The following IQCM variants were observed in gnomAD, a reference collection of about 807,000 sequenced individuals.
IQCM encodes IQ motif containing M, also known as IQ domain-containing protein M.
Under a neutral mutation model 57.6 loss-of-function variants are expected in IQCM, and 45 were observed. The observed-to-expected ratio is 0.78, with a 90% CI of 0.62 to 1.00. The LOEUF (loss-of-function observed/expected upper bound fraction) is 1.00, where lower values mean the gene tolerates loss of function less well. Among genes scored for constraint, IQCM ranks in the 50% least tolerant of loss-of-function variants. The pLI, the probability that IQCM is intolerant of heterozygous loss-of-function variation, is 0.00. For missense variants in IQCM, 468 were observed against 511.6 expected (o/e 0.91, Z 0.82); for synonymous variants, 148 against 158.9 (o/e 0.93, Z 0.51).
chr4:149,730,837 T>A (rs1333588882), intron 5 of IQCM, among the ~76,000 whole-genome samples: 1 of 152,194 alleles, frequency 6.6e-6, no homozygotes, highest in East Asian at 1.9e-4. Flanking sequence ...ACATCAAATT[T>A]GAATTTCTTG....
intron 2 of IQCM, among the ~76,000 whole-genome samples, chr4:149,750,365 G>A (rs1768316463): frequency 2.6e-5 from 4 of 152,186 alleles, no homozygotes; most frequent in Admixed American, 2.0e-4. Context: ...GGGGGTAATA[G>A]AGTGACGCTT....
chr4:149,650,957 T>C (rs1443761776), intron 7 of IQCM, among the ~76,000 whole-genome samples: 3 of 152,152 alleles, frequency 2.0e-5, no homozygotes, highest in Non-Finnish European at 1.5e-5. Flanking sequence ...AAAAATACAG[T>C]CTTTGCCCCT....
chr4:149,511,696 C>A (rs1367954746), intron 12 of IQCM, among the ~76,000 whole-genome samples: 1 of 152,156 alleles, frequency 6.6e-6, no homozygotes, highest in Non-Finnish European at 1.5e-5. Context: ...TTATAATCCT[C>A]TGTATCTTGT....
chr4:149,684,287 C>T (rs867819990), intron 6 of IQCM, among the ~76,000 whole-genome samples: 5 of 151,124 alleles, frequency 3.3e-5, no homozygotes, highest in South Asian at 4.2e-4. Flanking sequence ...CAAAAATAGA[C>T]AAGTTTAGAA....
chr4:149,417,625 G>C (rs1238027813), intron 13 of IQCM, among the ~76,000 whole-genome samples: 4 of 151,960 alleles, frequency 2.6e-5, no homozygotes. Context: ...TCACAGATTG[G>C]TATATAAAAC....
intron 12 of IQCM, among the ~76,000 whole-genome samples, chr4:149,452,854 T>A (rs1359677797): frequency 6.6e-6 from 1 of 151,436 alleles, no homozygotes; most frequent in Admixed American, 6.6e-5. Context: ...TAGCAAAGTT[T>A]AATTTTAAGA....
At chr4:149,443,786 T>A (rs918957455) in intron 12 of IQCM, among the ~76,000 whole-genome samples, 2 of 150,736 alleles carry the variant, frequency 1.3e-5, no homozygotes, top group South Asian at 4.2e-4. Context: ...TTTAAATACA[T>A]CAGACTACAA....
chr4:149,516,410 T>A (rs942064764), intron 12 of IQCM, among the ~76,000 whole-genome samples: 1 of 152,170 alleles, frequency 6.6e-6, no homozygotes, highest in Admixed American at 6.5e-5. Context: ...ACTTTACAGC[T>A]AAAGAAGTGT....
At chr4:149,684,359 C>A (rs564691859) in intron 6 of IQCM, among the ~76,000 whole-genome samples, 8 of 151,364 alleles carry the variant, frequency 5.3e-5, no homozygotes, top group African/African-American at 1.4e-4. Context: ...AAGGAAATTT[C>A]TTTTGTTGGG....
chr4:149,701,070 T>C (rs944137149), intron 5 of IQCM, among the ~76,000 whole-genome samples: 7 of 151,934 alleles, frequency 4.6e-5, no homozygotes, highest in African/African-American at 1.7e-4. Context: ...AAATGAGGCA[T>C]ACAAATATAC....
intron 13 of IQCM, among the ~76,000 whole-genome samples, chr4:149,400,031 G>A (rs1434900123): frequency 6.6e-6 from 1 of 151,842 alleles, no homozygotes; most frequent in Non-Finnish European, 1.5e-5. Context: ...TGGATTGGCG[G>A]TAGAAAAGCA....
chr4:149,486,613 G>C (rs928036344), intron 12 of IQCM, among the ~76,000 whole-genome samples: 1 of 152,154 alleles, frequency 6.6e-6, no homozygotes, highest in Non-Finnish European at 1.5e-5. Flanking sequence ...AGGTGTGGTG[G>C]TGTGCACCTG....
chr4:149,571,247 T>C (rs1751129169), intron 9 of IQCM, among the ~76,000 whole-genome samples: 1 of 152,104 alleles, frequency 6.6e-6, no homozygotes, highest in Admixed American at 6.6e-5. Context: ...AACCTAAGTG[T>C]TTGTTAACAT....
intron 2 of IQCM, among the ~76,000 whole-genome samples, chr4:149,755,502 T>C (rs1203548393): frequency 1.3e-5 from 2 of 152,142 alleles, no homozygotes; most frequent in African/African-American, 4.8e-5. Context: ...AAATGTTCTT[T>C]TGTCAGATTC....
At chr4:149,473,869 G>A (rs561969522) in intron 12 of IQCM, among the ~76,000 whole-genome samples, 26 of 152,230 alleles carry the variant, frequency 1.7e-4, no homozygotes, top group South Asian at 4.1e-4. Context: ...GCAAACTATC[G>A]CAAGGACAGA....
At position 149,729,806 on chromosome 4, in the gene IQCM, G is replaced by C. The variant is rs372836735; in HGVS notation, c.385+3438C>G. On this transcript the variant is annotated intron_variant, in intron 5 of 13. Transcript: ENST00000636793. ...GAGGGTATCTGAGATAACGGGCTGT[G>C]TGGTAAAAGATGTACTTTTAATATG... is the stretch of plus-strand genomic sequence containing the variant. 3.3e-5 allele frequency among the ~76,000 whole-genome samples: 5 copies of C among 152,110 alleles called. No homozygotes were observed. In the East Asian group the frequency reaches 9.6e-4, roughly 29 times the overall value.
At chr4:149,708,030 C>T (rs186403703) in intron 5 of IQCM, among the ~76,000 whole-genome samples, 1 of 152,074 alleles carries the variant, frequency 6.6e-6, no homozygotes, top group East Asian at 1.9e-4. Context: ...TTGCATAATT[C>T]ACTGCACTAT....
chr4:149,383,964 A>G (rs1010882070), intron 13 of IQCM, among the ~76,000 whole-genome samples: 2 of 152,128 alleles, frequency 1.3e-5, no homozygotes, highest in African/African-American at 4.8e-5. Flanking sequence ...AAAAAAAAGA[A>G]GAATATTCCA....
intron 8 of IQCM, among the ~76,000 whole-genome samples, chr4:149,601,062 T>C (rs1754233642): frequency 6.6e-6 from 1 of 152,182 alleles, no homozygotes; most frequent in African/African-American, 2.4e-5. Flanking sequence ...AAAAATTACC[T>C]CGTACACATT....
Sources: allele counts gnomAD v4.1 joint callset (sites outside exome capture counted in the v4.1 genomes callset), GRCh38; gene constraint gnomAD v4.1.1; transcripts MANE v1.5; gene names NCBI Gene and HGNC (gene_info 2026-07-23, HGNC 2026-07-21).